The following SC5D variants were observed in gnomAD, a reference collection of about 807,000 sequenced individuals.
SC5D encodes sterol-C5-desaturase, also known as lathosterol oxidase.
In SC5D, 21 loss-of-function variants were observed where a neutral mutation model predicts 23.9. The ratio of observed to expected loss-of-function variants is 0.88; its 90% confidence interval spans 0.62 to 1.26. The LOEUF (loss-of-function observed/expected upper bound fraction) is 1.26. Ranked by LOEUF, SC5D falls within the 50% of genes most tolerant of loss-of-function variation. The probability of loss-of-function intolerance (pLI) is 0.00; values close to 1 mark genes in which losing one functional copy is unlikely to be tolerated. For missense variants in SC5D, 309 were observed against 364.8 expected, an observed-to-expected ratio of 0.85 and a Z score of 1.25; for synonymous variants, 113 against 125.9, an observed-to-expected ratio of 0.90 and a Z score of 0.68.
chr11:121,309,431 G>A lies in SC5D; in HGVS notation c.*1919G>A, dbSNP rs1947992696. Among the ~76,000 whole-genome samples the A allele has an allele frequency of 6.6e-6, 1 of 152,140 alleles. No homozygotes were observed. The highest frequency in any genetic ancestry group is 1.5e-5 in the Non-Finnish European group (1 of 68,024). ...CAGCTGTGTGCCTGGGAGGAAGGGG[G>A]CACCATTTTCTTGAGCAGCTAGACA... On this transcript the variant is annotated 3_prime_UTR_variant, in exon 5 of 5. Transcript: ENST00000264027.
rs1223727916 is a variant in SC5D at position 121,311,421 on chromosome 11, A to G, written c.*3909A>G. 6.6e-6 allele frequency among the ~76,000 whole-genome samples: 1 copy of G among 152,214 alleles called. No individual in the cohort carries two copies. The highest frequency in any genetic ancestry group is 2.4e-5 in the African/African-American group (1 of 41,458). On this transcript the variant is annotated 3_prime_UTR_variant, in exon 5 of 5. Transcript: ENST00000264027. ...ATGGTCCCTACATCAAGGATAAACT[A>G]TCTTTTTTTAGTCACTCAAAGTCAT... is the stretch of plus-strand genomic sequence containing the variant.
At chr11:121,294,477 TA>T (rs1233542942) in intron 1 of SC5D, among the ~76,000 whole-genome samples, 1 of 152,246 alleles carries the variant, frequency 6.6e-6, no homozygotes, top group East Asian at 1.9e-4. Flanking sequence ...TCTTCATCTA[TA>T]AAATAATACT....
At chr11:121,301,133 A>T (rs1947923340) in intron 1 of SC5D, among the ~76,000 whole-genome samples, 1 of 152,200 alleles carries the variant, frequency 6.6e-6, no homozygotes, top group Non-Finnish European at 1.5e-5. Flanking sequence ...AAAGGCAATC[A>T]GTCAGTAGAA....
rs1454756544 is a variant in SC5D, at chr11:121,308,390, C to T, written c.*878C>T. 2.6e-5 allele frequency: 4 copies of T among 152,112 alleles called. No homozygotes were observed. The highest frequency in any genetic ancestry group is 5.9e-5 in the Non-Finnish European group (4 of 68,020). The allele number at this position is 152,112 out of a possible 1,614,324, so 9.4% of individuals were successfully genotyped here. On this transcript the variant is annotated 3_prime_UTR_variant, in exon 5 of 5. Transcript: ENST00000264027. ...ACTACACTTTTGATGTTTGAAGTTA[C>T]AAACCTGTAATTTTTTTGTAAAGGA...
intron 1 of SC5D, among the ~76,000 whole-genome samples, chr11:121,299,926 A>G (rs2134264815): frequency 6.6e-6 from 1 of 152,292 alleles, no homozygotes; most frequent in South Asian, 2.1e-4. Context: ...AAAAGAACCA[A>G]AACCCCCAAA....
Position 121,308,255 on chromosome 11 carries a change from AC to A in SC5D, c.*745del, listed in dbSNP as rs1266067881. 6.6e-6 allele frequency: 1 copy of A among 152,230 alleles called. No individual in the cohort carries two copies. The highest frequency in any genetic ancestry group is 6.5e-5 in the Admixed American group (1 of 15,284). 9.4% of individuals were successfully genotyped at this position (152,230 alleles called of 1,614,324 possible). A position where few individuals can be genotyped will look rare whatever the true frequency, so the allele number is the denominator to read the frequency against. On this transcript the variant is annotated 3_prime_UTR_variant, in exon 5 of 5. Transcript: ENST00000264027. ...AACATTGTGATGATTATTATTTAAA[AC>A]CATTATTTAATAAGAGTAAAAATAT... is the stretch of plus-strand genomic sequence containing the variant.
chr11:121,303,122 C>T (rs1453609666), intron 1 of SC5D, among the ~76,000 whole-genome samples: 1 of 152,154 alleles, frequency 6.6e-6, no homozygotes, highest in Non-Finnish European at 1.5e-5. Flanking sequence ...ATGACCTTTC[C>T]TGGGCCTCAG....
Position 121,304,508 on chromosome 11 carries a change from C to T in SC5D, c.343+15C>T, listed in dbSNP as rs369904250. ...GTTTCCATATGGTAAGTAAATAACA[C>T]GAGTGTCAGGAAGAGAGTAGTCTAA... On this transcript the variant is annotated intron_variant, in intron 3 of 4. Transcript: ENST00000264027. 2.1e-5 allele frequency: 34 copies of T among 1,611,312 alleles called. 1 individual carries two copies. Among genetic ancestry groups the T allele is most frequent in the Admixed American group, 1.2e-4 (7 of 59,952 alleles).
rs1031818443 is a variant in SC5D at position 121,307,407 on chromosome 11, G to C, written c.795G>C (p.Pro265=). The C allele has an allele frequency of 6.2e-7, 1 of 1,612,690 alleles. No homozygotes were observed. Among genetic ancestry groups the C allele is most frequent in the East Asian group, 2.2e-5 (1 of 44,876 alleles). ...KNPSSFEGKG[P]LSYVKEMTEG... ...CTTCATCCTTTGAGGGGAAGGGACCGCTCAGTTATGTGAAGGAGATGACAG... is the reference window on the plus strand; with the variant it reads ...CTTCATCCTTTGAGGGGAAGGGACCCCTCAGTTATGTGAAGGAGATGACAG... The change falls in exon 5 of 5, where the codon CCG becomes CCC. Residue 265 remains proline, a synonymous_variant. Coordinates refer to ENST00000264027, the MANE Select transcript of SC5D (RefSeq NM_006918.5).
In SC5D at chr11:121,312,017, G is replaced by C. The variant is rs766868510; in HGVS notation, c.*4505G>C. ...ACTAACATCGTTAACATTATTTACT[G>C]TAAGTTATCTTTGTAAGAGTGGTAA... On this transcript the variant is annotated 3_prime_UTR_variant, in exon 5 of 5. Coordinates refer to ENST00000264027, the MANE Select transcript of SC5D (RefSeq NM_006918.5). Among the ~76,000 whole-genome samples, 3 of 152,188 alleles carry C rather than the reference G, an allele frequency of 2.0e-5. No homozygotes were observed. The highest frequency in any genetic ancestry group is 4.4e-5 in the Non-Finnish European group (3 of 68,018).
At chr11:121,306,921 G>A (rs1947970055) in intron 4 of SC5D, 136 bp from the exon 5 acceptor site, 2 of 801,212 alleles carry the variant, frequency 2.5e-6, no homozygotes, top group South Asian at 1.4e-5. Context: ...GGCGAAGAAG[G>A]ACATTTTATA....
chr11:121,294,255 T>A (rs749059452), intron 1 of SC5D, among the ~76,000 whole-genome samples: 43 of 152,226 alleles, frequency 2.8e-4, no homozygotes, highest in Non-Finnish European at 5.3e-4. Flanking sequence ...ACTTCAGGGC[T>A]TATAACCCCT....
chr11:121,293,583 G>A (rs921063667), intron 1 of SC5D, among the ~76,000 whole-genome samples: 56 of 152,148 alleles, frequency 3.7e-4, no homozygotes, highest in African/African-American at 1.2e-3. Context: ...ATTTGGAGGT[G>A]GTGTAAGTGA....
Position 121,309,530 on chromosome 11 carries a change from T to G in SC5D, c.*2018T>G, listed in dbSNP as rs1947993827. On this transcript the variant is annotated 3_prime_UTR_variant, in exon 5 of 5. Coordinates refer to ENST00000264027, the MANE Select transcript of SC5D (RefSeq NM_006918.5). ...ATGAGCCATAAAGTATTTCAGGTTA[T>G]CCACACACTAATCATCTCAGTGTCT... Among the ~76,000 whole-genome samples, 2 of 152,216 alleles carry G rather than the reference T, an allele frequency of 1.3e-5. No homozygotes were observed. Among genetic ancestry groups the G allele is most frequent in the Admixed American group, 6.5e-5 (1 of 15,280 alleles).
intron 1 of SC5D, among the ~76,000 whole-genome samples, chr11:121,299,419 T>C (rs1231628145): frequency 6.6e-6 from 1 of 152,266 alleles, no homozygotes; most frequent in Non-Finnish European, 1.5e-5. Context: ...GAAAGTTTAC[T>C]GAATTTTTCT....
At chr11:121,300,371 G>C (rs1947918271) in intron 1 of SC5D, among the ~76,000 whole-genome samples, 1 of 152,176 alleles carries the variant, frequency 6.6e-6, no homozygotes, top group South Asian at 2.1e-4. Flanking sequence ...ACAGCAGCCT[G>C]GATGGAAGGT....
intron 1 of SC5D, among the ~76,000 whole-genome samples, chr11:121,295,396 C>A (rs1004169754): frequency 6.6e-6 from 1 of 152,182 alleles, no homozygotes; most frequent in Non-Finnish European, 1.5e-5. Context: ...TATTTTGAGT[C>A]CTTGATTAGC....
At position 121,310,188 on chromosome 11, in the gene SC5D, A is replaced by G. The variant is rs897536413; in HGVS notation, c.*2676A>G. Among the ~76,000 whole-genome samples the G allele has an allele frequency of 2.6e-5, 4 of 152,236 alleles. No individual in the cohort carries two copies. On this transcript the variant is annotated 3_prime_UTR_variant, in exon 5 of 5. Coordinates refer to ENST00000264027, the MANE Select transcript of SC5D (RefSeq NM_006918.5). ...GAAACTAGGGAGATGACTGAGAACA[A>G]AGATATTTGGGATTAACACAGATAG... is the stretch of plus-strand genomic sequence containing the variant.
chr11:121,305,103 A>T (rs747904311), intron 3 of SC5D: 1 of 152,374 alleles, frequency 6.6e-6, no homozygotes, highest in Non-Finnish European at 1.5e-5. Context: ...AGACCTTCAG[A>T]TTGTTACTCT....
Sources: allele counts gnomAD v4.1 joint callset (sites outside exome capture counted in the v4.1 genomes callset), GRCh38; gene constraint gnomAD v4.1.1; transcripts MANE v1.5; gene names NCBI Gene and HGNC (gene_info 2026-07-23, HGNC 2026-07-21).